Variants in RPH3AL observed in about 807,000 individuals in gnomAD.
RPH3AL encodes the protein rab effector Noc2.
RPH3AL carries 38 observed loss-of-function variants against 43.1 expected under a neutral mutation model. The ratio of observed to expected loss-of-function variants is 0.88; its 90% CI spans 0.68 to 1.15. The LOEUF is 1.15. RPH3AL is among the 50% of genes most tolerant of loss of function. The probability of loss-of-function intolerance (pLI) is 0.00; values close to 1 mark genes in which losing one functional copy is unlikely to be tolerated. For missense variants in RPH3AL, 462 were observed against 423.2 expected, an observed-to-expected ratio of 1.09 and a Z score of -0.81; for synonymous variants, 189 against 176.3, an observed-to-expected ratio of 1.07 and a Z score of -0.57.
chr17:258,756 C>T (rs11150870), intron 6 of RPH3AL, among the ~76,000 whole-genome samples: 124,852 of 139,016 alleles, frequency 0.9, 55,355 homozygotes, highest in South Asian at 0.96. Flanking sequence ...ATAGTCAACC[C>T]GTTTTTTTTT....
chr17:267,238 A>T (rs922669833), intron 6 of RPH3AL, among the ~76,000 whole-genome samples: 9 of 152,054 alleles, frequency 5.9e-5, no homozygotes, highest in African/African-American at 2.2e-4. Context: ...CATTTGACAG[A>T]CTCCCCTCAC....
chr17:219,918 C>T (rs1447693178), intron 7 of RPH3AL, among the ~76,000 whole-genome samples, 182 bp from the exon 8 acceptor site: 1 of 152,158 alleles, frequency 6.6e-6, no homozygotes, highest in Non-Finnish European at 1.5e-5. Flanking sequence ...ATTTCTGCTG[C>T]ACAAAGAGGG....
At chr17:260,055 C>T (rs1374729088) in intron 6 of RPH3AL, among the ~76,000 whole-genome samples, 4 of 152,200 alleles carry the variant, frequency 2.6e-5, no homozygotes, top group Non-Finnish European at 5.9e-5. Flanking sequence ...GTGTCACTCC[C>T]TCTCCCGTGC....
chr17:242,268 A>AC (rs782125503), intron 7 of RPH3AL, among the ~76,000 whole-genome samples: 2 of 130,280 alleles, frequency 1.5e-5, no homozygotes, highest in Non-Finnish European at 3.4e-5. Flanking sequence ...TCTATTGATT[A>AC]CCTTCCTCTA....
intron 1 of RPH3AL, among the ~76,000 whole-genome samples, chr17:345,742 C>T (rs1168318657): frequency 2.4e-5 from 3 of 126,186 alleles, no homozygotes; most frequent in Non-Finnish European, 5.4e-5. Flanking sequence ...GGCACGCGTG[C>T]TCCCCATCTG....
chr17:259,035 C>G (rs1209320291), intron 6 of RPH3AL, among the ~76,000 whole-genome samples: 2 of 152,202 alleles, frequency 1.3e-5, no homozygotes, highest in African/African-American at 4.8e-5. Context: ...GGCCACGTGC[C>G]TCCCCGGGGC....
At chr17:242,387 ACCTTCCTCTATTGACTACCTTCCTCTATT>A (rs2041570138) in intron 7 of RPH3AL, among the ~76,000 whole-genome samples, 1 of 4,618 alleles carries the variant, frequency 2.2e-4, no homozygotes, top group African/African-American at 6.2e-4. Flanking sequence ...TCTATTGACT[ACCTTCCTCTATTGACTACCTTCCTCTATT>A]GACTACCTTC....
intron 1 of RPH3AL, among the ~76,000 whole-genome samples, chr17:347,786 A>G (rs7406063): frequency 0.013 from 1,920 of 152,348 alleles, 38 homozygotes; most frequent in Admixed American, 0.049. Context: ...AAACTTGGAC[A>G]CAACCAAGAT....
At chr17:305,800 C>T (rs797009174) in intron 5 of RPH3AL, among the ~76,000 whole-genome samples, 137 of 152,020 alleles carry the variant, frequency 9.0e-4, no homozygotes, top group Non-Finnish European at 6.9e-4. Flanking sequence ...CCATGACATC[C>T]GCCTCTGAGC....
At chr17:351,547 T>C (rs2045353456) in intron 1 of RPH3AL, among the ~76,000 whole-genome samples, 1 of 152,134 alleles carries the variant, frequency 6.6e-6, no homozygotes, top group Admixed American at 6.5e-5. Context: ...TGAGTCTCAC[T>C]CCTCCTGCAC....
rs867988674 is a variant in RPH3AL, at chr17:327,528, A to G, written c.16T>C (p.Phe6Leu). The G allele has an allele frequency of 6.2e-7, 1 of 1,613,854 alleles. No individual in the cohort carries two copies. Among genetic ancestry groups the G allele is most frequent in the South Asian group, 1.1e-5 (1 of 91,084 alleles). Residue 6 changes from phenylalanine to leucine, a missense_variant, in exon 3 of 10, where the codon TTC (phenylalanine) becomes CTC (leucine). Physicochemically the swap from Phe to Leu is conservative, Grantham distance 22. Transcript: ENST00000331302. MADTI[F>L]GSGNDQWVCP... The stretch of plus-strand genomic sequence containing the variant: ...ACCCACTGATCATTCCCGCTGCCGA[A>G]GATGGTGTCGGCCATGGCTCGGAGC...
chr17:214,144 C>T (rs1387932837), intron 9 of RPH3AL, among the ~76,000 whole-genome samples: 1 of 152,234 alleles, frequency 6.6e-6, no homozygotes, highest in Admixed American at 6.5e-5. Context: ...AGGCCCTCCT[C>T]CTAACCCAGG....
At chr17:263,584 AT>A (rs1555547018) in intron 6 of RPH3AL, among the ~76,000 whole-genome samples, 3 of 152,200 alleles carry the variant, frequency 2.0e-5, no homozygotes, top group African/African-American at 7.2e-5. Flanking sequence ...AATGTAACAG[AT>A]TGGTAATTGG....
At chr17:305,564 G>A (rs1285767489) in intron 5 of RPH3AL, among the ~76,000 whole-genome samples, 5 of 152,200 alleles carry the variant, frequency 3.3e-5, no homozygotes, top group South Asian at 2.1e-4. Context: ...GGTGCCCAGC[G>A]GTGGTCCCAG....
At position 322,759 on chromosome 17, in the gene RPH3AL, C is replaced by T. The variant is rs1005801190; in HGVS notation, c.78-1344G>A. On this transcript the variant is annotated intron_variant, in intron 3 of 9. Transcript: ENST00000331302. The surrounding 1 kb of genome is among the most constrained non-coding windows in gnomAD (Gnocchi z 4.0). ...GGTGGTCTCATGTCCTGCCTGGTCC[C>T]GGCTGTTGCAGCTAACGGTTCTCTG... 1.8e-4 allele frequency among the ~76,000 whole-genome samples: 28 copies of T among 152,126 alleles called. No homozygotes were observed. Among genetic ancestry groups the T allele is most frequent in the African/African-American group, 4.6e-4 (19 of 41,516 alleles).
intron 5 of RPH3AL, among the ~76,000 whole-genome samples, chr17:307,130 ATCCTCCCCATGGCAGG>A (rs1296521901): frequency 1.5e-5 from 2 of 134,456 alleles, no homozygotes; most frequent in African/African-American, 2.9e-5. Flanking sequence ...CCCACAGCAG[ATCCTCCCCATGGCAGG>A]TCCTCCCCAT....
chr17:219,542 T>TTTTTTTTTTTTTG, intron 8 of RPH3AL, 81 bp downstream of exon 8: 1 of 374,904 alleles, frequency 2.7e-6, no homozygotes, highest in Non-Finnish European at 5.1e-6. Flanking sequence ...TTTTTTTTTT[T>TTTTTTTTTTTTTG]GAGATGGAGT....
intron 7 of RPH3AL, among the ~76,000 whole-genome samples, chr17:227,651 T>C (rs1299854838): frequency 6.6e-6 from 1 of 152,098 alleles, no homozygotes; most frequent in Non-Finnish European, 1.5e-5. Context: ...CTGGTGCCTC[T>C]CCCTGGTCGG....
At chr17:247,628 G>A in intron 6 of RPH3AL, 1 of 275,666 alleles carries the variant, frequency 3.6e-6, no homozygotes, top group Non-Finnish European at 6.9e-6. Context: ...TGGGACTACT[G>A]TACCTGGGTC....
Sources: gnomAD v4.1 joint callset for allele counts (sites outside exome capture counted in the v4.1 genomes callset) on GRCh38, gnomAD v4.1.1 for gene constraint, Gnocchi (gnomAD v3.1) non-coding constraint, MANE v1.5 for transcripts, NCBI Gene and HGNC (gene_info 2026-07-23, HGNC 2026-07-21) for gene names.